FDFT1: variants seen among roughly 807,000 people sequenced by gnomAD.
FDFT1 encodes farnesyl-diphosphate farnesyltransferase 1.
In FDFT1, 68 loss-of-function variants were observed where a neutral mutation model predicts 46.8. The ratio of observed to expected loss-of-function variants is 1.45; its 90% CI spans 1.19 to 1.78. FDFT1 has a LOEUF of 1.78. Ranked by LOEUF, FDFT1 falls within the 40% of genes most tolerant of loss-of-function variation. The probability of loss-of-function intolerance (pLI) is 0.00; values close to 1 mark genes in which losing one functional copy is unlikely to be tolerated. For missense variants in FDFT1, 928 were observed against 524.4 expected, an observed-to-expected ratio of 1.77 and a Z score of -7.52; for synonymous variants, 351 against 185.1, an observed-to-expected ratio of 1.90 and a Z score of -7.28.
chr8:11,821,808 G>A lies in FDFT1; in HGVS notation c.440G>A (p.Cys147Tyr). 6.2e-7 allele frequency: 1 copy of A among 1,613,752 alleles called. No homozygotes were observed. Among genetic ancestry groups the A allele is most frequent in the Non-Finnish European group, 8.5e-7 (1 of 1,179,712 alleles). The stretch of plus-strand genomic sequence containing the variant: ...TACCAAACAGTGATTGCCGACATTT[G>A]CCGGAGAATGGGCATTGGGATGGCA... Reference protein sequence around the residue: ...EKYQTVIADICRRMGIGMAEF... With the variant: ...EKYQTVIADIYRRMGIGMAEF... The change falls in exon 4 of 8, where the codon TGC becomes TAC. Residue 147 changes from cysteine to tyrosine, a missense_variant. By Grantham distance (194) the Cys-to-Tyr change is radical (BLOSUM62 -2). Coordinates refer to ENST00000220584, the MANE Select transcript of FDFT1 (RefSeq NM_004462.5).
chr8:11,796,276 T>G (rs1805557929), intron 1 of FDFT1, among the ~76,000 whole-genome samples: 1 of 152,240 alleles, frequency 6.6e-6, no homozygotes, highest in Non-Finnish European at 1.5e-5. Context: ...GTTTGTGTTC[T>G]GAGCTTTCTA....
At chr8:11,807,125 CA>C (rs1806956750) in intron 1 of FDFT1, among the ~76,000 whole-genome samples, 1 of 151,672 alleles carries the variant, frequency 6.6e-6, no homozygotes, top group African/African-American at 2.4e-5. Flanking sequence ...GTGGATATGC[CA>C]TATTTTTTTA....
rs1810598770 is a variant in FDFT1, at chr8:11,830,324, A to T, written c.783A>T (p.Glu261Asp). The T allele has an allele frequency of 1.2e-6, 2 of 1,613,426 alleles. No individual in the cohort carries two copies. Among genetic ancestry groups the T allele is most frequent in the East Asian group, 4.5e-5 (2 of 44,878 alleles). Residue 261 changes from glutamate to aspartate, a missense_variant, in exon 6 of 8, where the codon GAA becomes GAT. Physicochemically the swap from Glu to Asp is conservative, Grantham distance 45. Coordinates refer to ENST00000220584, the MANE Select transcript of FDFT1 (RefSeq NM_004462.5). ...NIDLAVQCLN[E>D]LITNALHHIP... ...ACTTGGCCGTGCAGTGCCTGAATGA[A>T]CTTATAACCAATGCACTGCACCACA... is the stretch of plus-strand genomic sequence containing the variant.
At chr8:11,799,600 A>G (rs1245287614), upstream of FDFT1, among the ~76,000 whole-genome samples, 1 of 152,234 alleles carries the variant, frequency 6.6e-6, no homozygotes, top group Non-Finnish European at 1.5e-5. Context: ...AATGAGGGCT[A>G]TCTGATCTCC....
rs1311431824 is a variant in FDFT1, at chr8:11,838,645, G to A, written c.*36G>A. The stretch of plus-strand genomic sequence containing the variant: ...GTCCATAGCTGAAGTCCACCATAAA[G>A]TGGATTTACTTTTTTTCTTTAAGGA... On this transcript the variant is annotated 3_prime_UTR_variant, in exon 8 of 8. Transcript: ENST00000220584. 4 of 1,506,938 alleles carry A rather than the reference G, an allele frequency of 2.7e-6. No individual in the cohort carries two copies. Among genetic ancestry groups the A allele is most frequent in the Non-Finnish European group, 3.7e-6 (4 of 1,082,464 alleles). The allele number at this position is 1,506,938 out of a possible 1,614,324, so 93.3% of individuals were successfully genotyped here. A position where few individuals can be genotyped will look rare whatever the true frequency, so the allele number is the denominator to read the frequency against.
intron 3 of FDFT1, chr8:11,810,092 A>T: frequency 4.3e-6 from 2 of 470,000 alleles, no homozygotes; most frequent in South Asian, 3.5e-5. Flanking sequence ...CAGTTTCTTC[A>T]TCTGTAAAAT....
chr8:11,833,395 C>A (rs529787727), intron 7 of FDFT1, among the ~76,000 whole-genome samples: 1 of 152,304 alleles, frequency 6.6e-6, no homozygotes, highest in South Asian at 2.1e-4. Flanking sequence ...AAATGGAATC[C>A]TGCTATATTA....
At chr8:11,833,070 A>G (rs941889697) in intron 7 of FDFT1, among the ~76,000 whole-genome samples, 2 of 152,212 alleles carry the variant, frequency 1.3e-5, no homozygotes, top group South Asian at 4.1e-4. Context: ...CAGAACTTCT[A>G]TCAGAGGCAC....
rs574662343 is a variant in FDFT1 at position 11,802,851 on chromosome 8, C to G, written c.19C>G (p.Leu7Val). The G allele has an allele frequency of 6.2e-7, 1 of 1,611,404 alleles. No individual in the cohort carries two copies. Among genetic ancestry groups the G allele is most frequent in the South Asian group, 1.1e-5 (1 of 90,464 alleles). Residue 7 changes from leucine (L) to valine (V), a missense_variant, in exon 1 of 8, where the codon CTT (leucine) becomes GTT (valine). Leu to Val is a conservative substitution (Grantham distance 32). Coordinates refer to ENST00000220584, the MANE Select transcript of FDFT1 (RefSeq NM_004462.5). ...CGCCAGGATGGAGTTCGTGAAATGC[C>G]TTGGCCACCCCGAAGAGTTCTACAA... MEFVKC[L>V]GHPEEFYNLV...
At chr8:11,820,842 G>T (rs894132015) in intron 3 of FDFT1, among the ~76,000 whole-genome samples, 1 of 152,216 alleles carries the variant, frequency 6.6e-6, no homozygotes, top group Non-Finnish European at 1.5e-5. Flanking sequence ...GTGACGTCCT[G>T]CCCTGCTTTG....
chr8:11,833,650 T>G (rs1797506214), intron 7 of FDFT1, among the ~76,000 whole-genome samples: 1 of 152,222 alleles, frequency 6.6e-6, no homozygotes, highest in Admixed American at 6.5e-5. Context: ...GAGCCCTGTT[T>G]TTGTGAATAA....
intron 3 of FDFT1, among the ~76,000 whole-genome samples, chr8:11,813,863 A>G (rs1808070902): frequency 6.6e-6 from 1 of 152,154 alleles, no homozygotes; most frequent in South Asian, 2.1e-4. Flanking sequence ...TCCGGGGAAC[A>G]TATGAAACTG....
intron 3 of FDFT1, among the ~76,000 whole-genome samples, chr8:11,818,918 C>T (rs1460249936): frequency 1.3e-5 from 2 of 152,036 alleles, no homozygotes; most frequent in African/African-American, 4.8e-5. Context: ...GTTATTTTGC[C>T]CATTAATTGA....
At chr8:11,825,399 G>C (rs1162487873) in intron 4 of FDFT1, among the ~76,000 whole-genome samples, 1 of 152,072 alleles carries the variant, frequency 6.6e-6, no homozygotes, top group African/African-American at 2.4e-5. Context: ...AAATTAGCTG[G>C]ATGTGGTGGT....
At chr8:11,810,838 A>T (rs576252550) in intron 3 of FDFT1, among the ~76,000 whole-genome samples, 1 of 151,604 alleles carries the variant, frequency 6.6e-6, no homozygotes, top group East Asian at 2.0e-4. Flanking sequence ...AAACAAACCT[A>T]ATCTGTAGCT....
chr8:11,825,732 T>C lies in FDFT1; in HGVS notation c.511-292T>C, dbSNP rs111761630. On this transcript the variant is annotated intron_variant, in intron 4 of 7. Coordinates refer to ENST00000220584, the MANE Select transcript of FDFT1 (RefSeq NM_004462.5). ...AAATAAAAAAATGTTTACTAGTTTT[T>C]TTCAGTAGCCTTTTATTATAGTAGC... Among the ~76,000 whole-genome samples the C allele has an allele frequency of 5.9e-4, 90 of 152,194 alleles. 1 individual carries two copies. The highest frequency in any genetic ancestry group is 2.1e-3 in the African/African-American group (88 of 41,548).
chr8:11,810,577 G>C (rs1375014923), intron 3 of FDFT1, among the ~76,000 whole-genome samples: 1 of 152,098 alleles, frequency 6.6e-6, no homozygotes, highest in Non-Finnish European at 1.5e-5. Flanking sequence ...TAGCTATTTG[G>C]TCTATTTTGT....
At chr8:11,800,073 A>G (rs1367874986), upstream of FDFT1, among the ~76,000 whole-genome samples, 1 of 151,388 alleles carries the variant, frequency 6.6e-6, no homozygotes, top group East Asian at 1.9e-4. Flanking sequence ...CAGTCTGGCC[A>G]ACATGGTGAA....
intron 7 of FDFT1, among the ~76,000 whole-genome samples, chr8:11,835,660 A>G (rs139272875): frequency 1.3e-5 from 2 of 152,316 alleles, no homozygotes; most frequent in African/African-American, 2.4e-5. Context: ...GCTTATGGTT[A>G]TAAGTACAAC....
Sources: gnomAD v4.1 joint callset for allele counts (sites outside exome capture counted in the v4.1 genomes callset) on GRCh38, gnomAD v4.1.1 for gene constraint, MANE v1.5 for transcripts, NCBI Gene and HGNC (gene_info 2026-07-23, HGNC 2026-07-21) for gene names.